The following FRY variants were observed in gnomAD, a reference collection of about 807,000 sequenced individuals.
FRY encodes FRY microtubule binding protein.
A neutral mutation model predicts 348.4 loss-of-function variants in FRY; 128 were observed. That is an observed-to-expected ratio of 0.37 (90% CI 0.32 to 0.43). The LOEUF (loss-of-function observed/expected upper bound fraction) is 0.43. FRY is among the 20% of genes least tolerant of loss of function. FRY has a pLI of 1.00. For missense variants in FRY, 2,736 were observed against 3,695.2 expected (o/e 0.74, Z 6.73); for synonymous variants, 1,370 against 1,374.7 (o/e 1.00, Z 0.08).
In FRY at chr13:32,239,785, C is replaced by T. The variant is rs531277163; in HGVS notation, c.6591C>T (p.Tyr2197=). 6.2e-7 allele frequency: 1 copy of T among 1,613,952 alleles called. No homozygotes were observed. The highest frequency in any genetic ancestry group is 1.3e-5 in the African/African-American group (1 of 75,046). Residue 2197 remains tyrosine (Y), a synonymous_variant, in exon 46 of 61, where the codon TAC becomes TAT. Coordinates refer to ENST00000542859, the MANE Select transcript of FRY (RefSeq NM_023037.3). This position sits in a 1 kb window ranked among gnomAD's most constrained non-coding sequence, Gnocchi z 4.3. ...TGACTCTTTATAAAACGCACAGCTA[C>T]ACGAGGGACTGTGCCACGTGGGTCA... ...HVMTLYKTHS[Y]TRDCATWVNV...
intron 55 of FRY, among the ~76,000 whole-genome samples, chr13:32,271,436 C>A (rs551343901): frequency 6.6e-6 from 1 of 152,324 alleles, no homozygotes; most frequent in Non-Finnish European, 1.5e-5. Flanking sequence ...AGGCTGGCTG[C>A]TCCCATTTGG....
chr13:32,034,973 G>A (rs959443508), intron 1 of FRY, among the ~76,000 whole-genome samples: 1 of 152,220 alleles, frequency 6.6e-6, no homozygotes, highest in Non-Finnish European at 1.5e-5. Flanking sequence ...GCTTCGGACA[G>A]TTAAGTAATC....
intron 21 of FRY, 83 bp from the exon 22 acceptor site, chr13:32,178,761 T>C: frequency 1.1e-6 from 1 of 939,258 alleles, no homozygotes; most frequent in Non-Finnish European, 1.7e-6. Flanking sequence ...TCTATTTGAG[T>C]ACTTCCTATG....
intron 50 of FRY, 163 bp from the exon 51 acceptor site, chr13:32,254,061 G>A (rs1887216329): frequency 1.4e-6 from 1 of 700,276 alleles, no homozygotes; most frequent in East Asian, 2.6e-5. Flanking sequence ...TAATCTGAAG[G>A]CACCTGTCCA....
chr13:32,256,410 C>G (rs1887340095), intron 51 of FRY, among the ~76,000 whole-genome samples: 1 of 151,884 alleles, frequency 6.6e-6, no homozygotes, highest in South Asian at 2.1e-4. Context: ...TAGCACATGC[C>G]TGTGGTCCCA....
intron 1 of FRY, among the ~76,000 whole-genome samples, chr13:32,076,034 A>G (rs750127360): frequency 6.6e-6 from 1 of 152,220 alleles, no homozygotes; most frequent in Non-Finnish European, 1.5e-5. Flanking sequence ...TTATGATAGC[A>G]GTGAATTGGC....
At chr13:32,136,148 G>A in intron 10 of FRY, among the ~76,000 whole-genome samples, 1 of 152,118 alleles carries the variant, frequency 6.6e-6, no homozygotes, top group East Asian at 1.9e-4. Context: ...TTGATTAAGA[G>A]GGAATCATAA....
In FRY at chr13:32,135,009, T is replaced by A. The variant is rs1378636976; in HGVS notation, c.978+13T>A. 6.3e-7 allele frequency: 1 copy of A among 1,587,860 alleles called. No individual in the cohort carries two copies. The highest frequency in any genetic ancestry group is 8.7e-7 in the Non-Finnish European group (1 of 1,155,956). Reference sequence around the variant, plus strand: ...TCCAGTTGCTGCTGTGAGTTTCATTTCTAAAAACTCCTTCAAATTGTATCA... The same window carrying A: ...TCCAGTTGCTGCTGTGAGTTTCATTACTAAAAACTCCTTCAAATTGTATCA... On this transcript the variant is annotated intron_variant, in intron 9 of 60. Transcript: ENST00000542859.
chr13:32,179,626 C>T (rs751280228), intron 22 of FRY, 49 bp from the exon 23 acceptor site: 2 of 1,589,418 alleles, frequency 1.3e-6, no homozygotes, highest in South Asian at 1.1e-5. Context: ...TTAAAGGAAC[C>T]ATCAGTTACC....
chr13:32,206,271 A>G (rs1884345081), intron 31 of FRY, among the ~76,000 whole-genome samples: 3 of 152,146 alleles, frequency 2.0e-5, no homozygotes. Flanking sequence ...GAAGGGTGAG[A>G]AGGAATGGAG....
At chr13:32,128,260 T>C (rs1879148362) in intron 7 of FRY, among the ~76,000 whole-genome samples, 2 of 152,182 alleles carry the variant, frequency 1.3e-5, no homozygotes, top group Non-Finnish European at 2.9e-5. Context: ...CAGATGAGAA[T>C]AGCCCCTTCA....
intron 49 of FRY, 125 bp downstream of exon 49, chr13:32,249,812 G>T: frequency 1.3e-6 from 1 of 797,760 alleles, no homozygotes. Flanking sequence ...AGCACTTCCA[G>T]GGATGGGGTC....
At chr13:32,191,292 C>A (rs1249249540) in intron 28 of FRY, among the ~76,000 whole-genome samples, 1 of 152,062 alleles carries the variant, frequency 6.6e-6, no homozygotes, top group Non-Finnish European at 1.5e-5. Context: ...AATTACTAAC[C>A]CTGAGGAAGA....
At position 32,178,305 on chromosome 13, in the gene FRY, C is replaced by A. The variant is rs1460632957; in HGVS notation, c.2550C>A (p.Asp850Glu). 9.3e-6 allele frequency: 15 copies of A among 1,614,188 alleles called. No individual in the cohort carries two copies. The highest frequency in any genetic ancestry group is 1.3e-5 in the Non-Finnish European group (15 of 1,180,018). The change falls in exon 21 of 61, where the codon GAC (aspartate) becomes GAA (glutamate). Residue 850 changes from aspartate (D) to glutamate (E), a missense_variant. Physicochemically the swap from Asp to Glu is conservative, Grantham distance 45. Transcript: ENST00000542859. ...HVWIFAQSVKDPWVLCLFSFL... is the reference protein window; with the variant it reads ...HVWIFAQSVKEPWVLCLFSFL... Reference sequence around the variant, plus strand: ...GGATATTTGCACAGTCTGTCAAAGACCCCTGGGTCCTCTGCCTCTTCAGCT... The same window carrying A: ...GGATATTTGCACAGTCTGTCAAAGAACCCTGGGTCCTCTGCCTCTTCAGCT...
intron 4 of FRY, among the ~76,000 whole-genome samples, chr13:32,122,357 G>A (rs942426086): frequency 6.6e-6 from 1 of 151,754 alleles, no homozygotes; most frequent in Non-Finnish European, 1.5e-5. Context: ...GCGGGATAAT[G>A]GTGTGAACCC....
rs762536385 is a variant in FRY at position 32,184,948 on chromosome 13, C to T, written c.3147-28C>T. The T allele has an allele frequency of 3.8e-5, 61 of 1,598,638 alleles. No homozygotes were observed. The South Asian group carries it at 5.0e-4, about 13-fold the overall frequency. ...TTACTTTGACATAAAGACTGATCATCTAAAAGTTTCATTTTCCTTTATTCC... is the reference window on the plus strand; with the variant it reads ...TTACTTTGACATAAAGACTGATCATTTAAAAGTTTCATTTTCCTTTATTCC... On this transcript the variant is annotated intron_variant, in intron 25 of 60. Coordinates refer to ENST00000542859, the MANE Select transcript of FRY (RefSeq NM_023037.3).
rs769001316 is a variant in FRY at position 32,234,767 on chromosome 13, GA to G, written c.5715+8del. 1.2e-5 allele frequency: 19 copies of G among 1,612,094 alleles called. No homozygotes were observed. On this transcript the variant is annotated splice_region_variant and intron_variant, in intron 42 of 60. Transcript: ENST00000542859. ...AACATGGAGATGAGATTCAGGTATGGAAGGGAAGACCACTGAGCTCGTGAAG... is the reference window on the plus strand; with the variant it reads ...AACATGGAGATGAGATTCAGGTATGGAGGGAAGACCACTGAGCTCGTGAAG...
chr13:32,279,406 C>T (rs1427329191), intron 58 of FRY, among the ~76,000 whole-genome samples: 1 of 152,142 alleles, frequency 6.6e-6, no homozygotes, highest in African/African-American at 2.4e-5. Context: ...CTGAAAGCAC[C>T]GAAAGCCCTG....
intron 35 of FRY, among the ~76,000 whole-genome samples, chr13:32,218,276 A>G (rs1487054035): frequency 1.3e-5 from 2 of 152,204 alleles, no homozygotes; most frequent in African/African-American, 4.8e-5. Context: ...TGACCCTCTC[A>G]AGGAAACAAG....
Sources: gnomAD v4.1 joint callset for allele counts (sites outside exome capture counted in the v4.1 genomes callset) on GRCh38, gnomAD v4.1.1 for gene constraint, Gnocchi (gnomAD v3.1) non-coding constraint, MANE v1.5 for transcripts, NCBI Gene and HGNC (gene_info 2026-07-23, HGNC 2026-07-21) for gene names.